KCNN2: variants seen among roughly 807,000 people sequenced by gnomAD.
The protein encoded by KCNN2 is small conductance calcium-activated potassium channel protein 2.
In KCNN2, 24 loss-of-function variants were observed where a neutral mutation model predicts 55.5. The observed-to-expected ratio is 0.43, with a 90% CI of 0.31 to 0.61. KCNN2 has a LOEUF of 0.61. Ranked by LOEUF, KCNN2 falls within the 20% of genes least tolerant of loss-of-function variation. The pLI is 0.08. For synonymous variants in KCNN2, 431 were observed against 336.1 expected (o/e 1.28, Z -3.09); for missense variants, 754 against 853.6 (o/e 0.88, Z 1.45).
intron 1 of KCNN2, among the ~76,000 whole-genome samples, chr5:114,103,975 G>T (rs935434780): frequency 2.6e-5 from 4 of 151,926 alleles, no homozygotes; most frequent in Non-Finnish European, 5.9e-5. Flanking sequence ...TTTTTCTATT[G>T]CTTGGAATAG....
intron 2 of KCNN2, among the ~76,000 whole-genome samples, chr5:114,326,500 G>A (rs1477029941): frequency 6.6e-6 from 1 of 152,136 alleles, no homozygotes; most frequent in African/African-American, 2.4e-5. Context: ...GATAGGGAGT[G>A]CCATGGCCAG....
rs532327819 is a variant in KCNN2, at chr5:114,160,227, G to T, written c.-270-61253G>T. 9.9e-5 allele frequency among the ~76,000 whole-genome samples: 15 copies of T among 152,276 alleles called. No homozygotes were observed. The East Asian group carries it at 2.5e-3, about 25-fold the overall frequency. ...TGTCTTTGTTCTCATTGGTTTCAAA[G>T]AACATCTTTATTTCTGCCTTCATTT... On this transcript the variant is annotated intron_variant, in intron 1 of 10. Transcript: ENST00000512097.
At chr5:114,366,792 C>T (rs1278850843) in intron 2 of KCNN2, among the ~76,000 whole-genome samples, 3 of 152,214 alleles carry the variant, frequency 2.0e-5, no homozygotes, top group African/African-American at 7.2e-5. Flanking sequence ...CTTCTCAGCT[C>T]ACGCTAAATA....
At chr5:114,163,685 C>A (rs534712749) in intron 1 of KCNN2, among the ~76,000 whole-genome samples, 1 of 152,070 alleles carries the variant, frequency 6.6e-6, no homozygotes, top group Non-Finnish European at 1.5e-5. Context: ...CTCTGGTGTT[C>A]CTGATGTGCA....
chr5:114,292,953 A>G (rs1195991071), intron 2 of KCNN2, among the ~76,000 whole-genome samples: 1 of 152,142 alleles, frequency 6.6e-6, no homozygotes, highest in African/African-American at 2.4e-5. Flanking sequence ...CTTTGAAGCA[A>G]TTGTGAATGG....
intron 2 of KCNN2, among the ~76,000 whole-genome samples, chr5:114,273,070 CCT>C (rs1755397141): frequency 6.6e-6 from 1 of 152,110 alleles, no homozygotes. Context: ...TGTTCCCCTC[CCT>C]GTGTCCATGT....
intron 2 of KCNN2, among the ~76,000 whole-genome samples, chr5:114,398,963 A>C (rs1025051534): frequency 6.6e-6 from 1 of 152,206 alleles, no homozygotes; most frequent in Non-Finnish European, 1.5e-5. Flanking sequence ...GGAGTTTTCT[A>C]AGTATAAAAT....
At chr5:114,170,829 C>A (rs151267437) in intron 1 of KCNN2, among the ~76,000 whole-genome samples, 9 of 152,070 alleles carry the variant, frequency 5.9e-5, no homozygotes, top group African/African-American at 1.7e-4. Context: ...TTCAGTCAGA[C>A]CTTTAGAAAC....
chr5:114,207,829 G>GA (rs1287660977), intron 1 of KCNN2, among the ~76,000 whole-genome samples: 1 of 152,170 alleles, frequency 6.6e-6, no homozygotes, highest in East Asian at 1.9e-4. Flanking sequence ...TTTACATGCC[G>GA]AGAGACATGT....
intron 2 of KCNN2, among the ~76,000 whole-genome samples, chr5:114,337,611 A>G: frequency 6.6e-6 from 1 of 152,154 alleles, no homozygotes; most frequent in East Asian, 1.9e-4. Context: ...GAATGTAGCC[A>G]AAGTTCTTCT....
intron 1 of KCNN2, among the ~76,000 whole-genome samples, chr5:114,164,107 A>G (rs530834062): frequency 6.6e-6 from 1 of 152,344 alleles, no homozygotes; most frequent in East Asian, 1.9e-4. Context: ...AAGGATTACA[A>G]AAGTATTCAA....
At chr5:114,440,092 A>G (rs1159240163) in intron 3 of KCNN2, among the ~76,000 whole-genome samples, 3 of 152,154 alleles carry the variant, frequency 2.0e-5, no homozygotes, top group African/African-American at 7.2e-5. Flanking sequence ...AGCTGCAACC[A>G]CCATGAATTC....
At chr5:114,343,893 T>C (rs933342012) in intron 2 of KCNN2, among the ~76,000 whole-genome samples, 10 of 152,206 alleles carry the variant, frequency 6.6e-5, no homozygotes, top group African/African-American at 2.4e-4. Flanking sequence ...GAGTTTCTCC[T>C]ATTTATGTGG....
Position 114,363,027 on chromosome 5 carries a change from C to T in KCNN2, c.888C>T (p.Thr296=), listed in dbSNP as rs764392664. Residue 296 remains threonine, a synonymous_variant, in exon 1 of 8, where the codon ACC becomes ACT. Coordinates refer to ENST00000673685, the MANE Select transcript of KCNN2 (RefSeq NM_021614.4). ...CCAACAACCTGGCGCTCTATGGAAC[C>T]GGCGGCGGAGGCAGCACTGGAGGAG... is the stretch of plus-strand genomic sequence containing the variant. ...NNSNNLALYG[T]GGGGSTGGGG... is the part of the protein sequence containing the mutation. The T allele has an allele frequency of 3.1e-6, 5 of 1,602,646 alleles. No individual in the cohort carries two copies. The highest frequency in any genetic ancestry group is 1.7e-5 in the Admixed American group (1 of 58,850).
At chr5:114,067,191 G>C (rs1309957304) in intron 1 of KCNN2, among the ~76,000 whole-genome samples, 1 of 152,154 alleles carries the variant, frequency 6.6e-6, no homozygotes, top group African/African-American at 2.4e-5. Flanking sequence ...GAATTTTTGG[G>C]CCAGAGCAAT....
At chr5:114,182,918 G>C (rs921953443) in intron 1 of KCNN2, among the ~76,000 whole-genome samples, 13 of 152,006 alleles carry the variant, frequency 8.6e-5, no homozygotes, top group African/African-American at 3.1e-4. Context: ...GAAGTTTTGA[G>C]AGTGAATATC....
chr5:114,157,082 G>C (rs1752651688), intron 1 of KCNN2, among the ~76,000 whole-genome samples: 1 of 151,434 alleles, frequency 6.6e-6, no homozygotes, highest in African/African-American at 2.4e-5. Context: ...GTATACATGT[G>C]CCATGTTTGT....
At chr5:114,113,111 A>T (rs888584150) in intron 1 of KCNN2, among the ~76,000 whole-genome samples, 4 of 152,020 alleles carry the variant, frequency 2.6e-5, no homozygotes, top group Non-Finnish European at 4.4e-5. Context: ...ACTTCAAAAA[A>T]TTTTTTATCT....
chr5:114,382,981 T>A (rs1460582960), intron 2 of KCNN2, among the ~76,000 whole-genome samples: 1 of 152,206 alleles, frequency 6.6e-6, no homozygotes, highest in Non-Finnish European at 1.5e-5. Context: ...ATGAAGTTAA[T>A]AGAACAAATT....
Sources: allele counts gnomAD v4.1 joint callset (sites outside exome capture counted in the v4.1 genomes callset), GRCh38; gene constraint gnomAD v4.1.1; transcripts MANE v1.5; gene names NCBI Gene and HGNC (gene_info 2026-07-23, HGNC 2026-07-21).